The following TTC28 variants were observed in gnomAD, a reference collection of about 807,000 sequenced individuals.
TTC28 encodes the protein tetratricopeptide repeat protein 28.
A neutral mutation model predicts 198.0 loss-of-function variants in TTC28; 61 were observed. The observed-to-expected ratio is 0.31, with a 90% CI of 0.25 to 0.38. TTC28 has a LOEUF of 0.38. Ranked by LOEUF, TTC28 falls within the 10% of genes least tolerant of loss-of-function variation. TTC28 has a pLI of 1.00. For missense variants in TTC28, 2,678 were observed against 3,164.0 expected (o/e 0.85, Z 3.69); for synonymous variants, 1,171 against 1,297.8 (o/e 0.90, Z 2.10).
chr22:27,998,582 C>A lies in TTC28; in HGVS notation c.5077G>T (p.Val1693Leu). The A allele has an allele frequency of 6.4e-7, 1 of 1,550,774 alleles. No individual in the cohort carries two copies. Among genetic ancestry groups the A allele is most frequent in the Non-Finnish European group, 8.7e-7 (1 of 1,146,988 alleles). ...SAALGEAMKV[V>L]QSSKAFSHPS... ...TGCGAGAAGGCCTTGCTGCTCTGCA[C>A]CACCTTCATGGCCTCCCCCAGGGCG... Residue 1693 changes from valine (V) to leucine (L), a missense_variant, in exon 16 of 23, where the codon GTG (valine) becomes TTG (leucine). Coordinates refer to ENST00000397906, the MANE Select transcript of TTC28 (RefSeq NM_001145418.2).
chr22:28,661,221 T>A (rs1444611538), intron 1 of TTC28, among the ~76,000 whole-genome samples: 2 of 151,840 alleles, frequency 1.3e-5, no homozygotes, highest in African/African-American at 4.8e-5. Flanking sequence ...GAGGTGGAGG[T>A]TGCGGTGAGT....
chr22:28,319,056 G>C (rs1411993598), intron 2 of TTC28, among the ~76,000 whole-genome samples: 2 of 152,046 alleles, frequency 1.3e-5, no homozygotes, highest in East Asian at 3.9e-4. Flanking sequence ...TTGAACGCCT[G>C]GACTTAAGCG....
intron 12 of TTC28, among the ~76,000 whole-genome samples, chr22:28,045,025 T>C (rs1490420571): frequency 6.6e-6 from 1 of 152,148 alleles, no homozygotes; most frequent in African/African-American, 2.4e-5. Context: ...GAAGGCCCCA[T>C]TACTTGTTGT....
intron 2 of TTC28, among the ~76,000 whole-genome samples, chr22:28,338,431 T>G (rs1027691893): frequency 5.3e-5 from 8 of 152,168 alleles, no homozygotes; most frequent in Admixed American, 1.3e-4. Context: ...ATCCTGAGAG[T>G]GTTTTCCAAC....
At chr22:28,384,370 G>C (rs932053616) in intron 2 of TTC28, among the ~76,000 whole-genome samples, 1 of 152,084 alleles carries the variant, frequency 6.6e-6, no homozygotes, top group East Asian at 1.9e-4. Flanking sequence ...TTACAGGCCT[G>C]AGCCATGGTA....
chr22:28,221,631 C>T (rs1174866377), intron 5 of TTC28, among the ~76,000 whole-genome samples: 1 of 152,146 alleles, frequency 6.6e-6, no homozygotes, highest in Non-Finnish European at 1.5e-5. Flanking sequence ...AGACTGAAAC[C>T]ACTGGAACAC....
intron 1 of TTC28, among the ~76,000 whole-genome samples, chr22:28,632,343 TTGCAACCTC>T (rs1471012775): frequency 2.1e-5 from 3 of 142,882 alleles, no homozygotes; most frequent in African/African-American, 5.2e-5. Context: ...TCTCGACTCA[TTGCAACCTC>T]TGCAACCTCT....
At chr22:28,578,675 C>G (rs2050186513) in intron 2 of TTC28, among the ~76,000 whole-genome samples, 1 of 152,208 alleles carries the variant, frequency 6.6e-6, no homozygotes, top group African/African-American at 2.4e-5. Context: ...TCCTGAATTG[C>G]CTACACCACC....
At chr22:28,045,304 A>G (rs1939819935) in intron 12 of TTC28, among the ~76,000 whole-genome samples, 1 of 152,196 alleles carries the variant, frequency 6.6e-6, no homozygotes, top group Admixed American at 6.5e-5. Flanking sequence ...ACATGCTCCA[A>G]TGAGCATTTC....
intron 1 of TTC28, among the ~76,000 whole-genome samples, chr22:28,677,358 A>G (rs2052014306): frequency 6.6e-6 from 1 of 151,658 alleles, no homozygotes; most frequent in South Asian, 2.1e-4. Context: ...AAAATATCAC[A>G]AAGATTGGCT....
chr22:28,423,734 T>C (rs1242238018), intron 2 of TTC28, among the ~76,000 whole-genome samples: 1 of 152,180 alleles, frequency 6.6e-6, no homozygotes, highest in African/African-American at 2.4e-5. Flanking sequence ...AGGAGGATGA[T>C]GGGTGGTGCA....
intron 2 of TTC28, among the ~76,000 whole-genome samples, chr22:28,464,373 G>C (rs779593678): frequency 3.3e-5 from 5 of 152,196 alleles, no homozygotes; most frequent in African/African-American, 9.6e-5. Flanking sequence ...ACTTGGCAAA[G>C]CATGGTTGAA....
At chr22:28,416,549 T>C (rs1330430427) in intron 2 of TTC28, among the ~76,000 whole-genome samples, 2 of 151,290 alleles carry the variant, frequency 1.3e-5, no homozygotes, top group Non-Finnish European at 2.9e-5. Context: ...ATGGAACTTG[T>C]TGTTGTTGTT....
chr22:28,325,739 G>T (rs2045518818), intron 2 of TTC28, among the ~76,000 whole-genome samples: 1 of 152,168 alleles, frequency 6.6e-6, no homozygotes, highest in East Asian at 1.9e-4. Context: ...CACATGAAAA[G>T]ATGTTCAAAA....
intron 2 of TTC28, among the ~76,000 whole-genome samples, chr22:28,607,097 G>A (rs888553532): frequency 6.6e-6 from 1 of 152,060 alleles, no homozygotes; most frequent in African/African-American, 2.4e-5. Flanking sequence ...GCCCAAACAG[G>A]CCTTGATAAG....
chr22:28,105,229 G>C (rs1159923793), intron 8 of TTC28, 50 bp downstream of exon 8: 60 of 1,519,704 alleles, frequency 3.9e-5, no homozygotes, highest in Non-Finnish European at 5.2e-5. Context: ...TTCTGACTCT[G>C]AACTTGATTT....
intron 5 of TTC28, among the ~76,000 whole-genome samples, chr22:28,229,678 C>T (rs1384120295): frequency 6.6e-6 from 1 of 152,046 alleles, no homozygotes; most frequent in African/African-American, 2.4e-5. Context: ...AAAGCTTATT[C>T]CCCACCACCC....
chr22:28,527,713 G>A (rs1914740971), intron 2 of TTC28, among the ~76,000 whole-genome samples: 2 of 152,088 alleles, frequency 1.3e-5, no homozygotes, highest in Non-Finnish European at 2.9e-5. Flanking sequence ...ACAGCTCACT[G>A]CAGCCTTGAC....
chr22:28,077,729 TAGAAAAA>T (rs1941214246), intron 12 of TTC28, among the ~76,000 whole-genome samples: 1 of 152,164 alleles, frequency 6.6e-6, no homozygotes, highest in African/African-American at 2.4e-5. Flanking sequence ...TTTGTAAATA[TAGAAAAA>T]CACCAAAAGG....
Sources: gnomAD v4.1 joint callset for allele counts (sites outside exome capture counted in the v4.1 genomes callset) on GRCh38, gnomAD v4.1.1 for gene constraint, MANE v1.5 for transcripts, NCBI Gene and HGNC (gene_info 2026-07-23, HGNC 2026-07-21) for gene names.